The following SNX29 variants were observed in gnomAD, a reference collection of about 807,000 sequenced individuals.
SNX29 encodes the protein sorting nexin 29, also known as sorting nexin-29.
Under a neutral mutation model 102.1 loss-of-function variants are expected in SNX29, and 78 were observed. The observed-to-expected ratio is 0.76, with a 90% confidence interval of 0.64 to 0.92. The LOEUF is 0.92. Ranked by LOEUF, SNX29 falls within the 40% of genes least tolerant of loss-of-function variation. The pLI, the probability that SNX29 is intolerant of heterozygous loss-of-function variation, is 0.00. For missense variants in SNX29, 1,280 were observed against 1,061.7 expected (o/e 1.21, Z -2.86); for synonymous variants, 580 against 414.5 (o/e 1.40, Z -4.85).
chr16:12,387,954 C>T (rs1019483634), intron 16 of SNX29, among the ~76,000 whole-genome samples: 7 of 152,170 alleles, frequency 4.6e-5, no homozygotes, highest in Admixed American at 3.3e-4. Context: ...TGCAAATTAG[C>T]AGCAAACAGA....
rs144520037 is a variant in SNX29 at position 12,555,335 on chromosome 16, C to G, written c.2319-13171C>G. On this transcript the variant is annotated intron_variant, in intron 20 of 20. Coordinates refer to ENST00000566228, the MANE Select transcript of SNX29 (RefSeq NM_032167.5). Reference sequence around the variant, plus strand: ...TCATAGCCCCAGTGTTTCTTGGCACCTGAGAAACATGTTGGTTAACTTTTC... The same window carrying G: ...TCATAGCCCCAGTGTTTCTTGGCACGTGAGAAACATGTTGGTTAACTTTTC... Among the ~76,000 whole-genome samples, 1,053 of 151,958 alleles carry G rather than the reference C, an allele frequency of 6.9e-3. 28 individuals carry two copies. Among genetic ancestry groups the G allele is most frequent in the Admixed American group, 0.047 (712 of 15,264 alleles).
chr16:12,398,374 C>T, intron 16 of SNX29, 72 bp from the exon 17 acceptor site: 1 of 1,518,256 alleles, frequency 6.6e-7, no homozygotes, highest in South Asian at 1.1e-5. Flanking sequence ...AGGCAGAATT[C>T]TTCTGTGATT....
intron 20 of SNX29, among the ~76,000 whole-genome samples, chr16:12,546,032 C>G (rs752057884): frequency 1.3e-5 from 2 of 152,140 alleles, no homozygotes; most frequent in Admixed American, 6.5e-5. Flanking sequence ...AAACCCACAC[C>G]CTTGAGTACA....
intron 20 of SNX29, among the ~76,000 whole-genome samples, chr16:12,568,304 T>TCCACGCCCCCCCCACCCCCCCCCCC (rs1555465909): frequency 6.8e-6 from 1 of 146,340 alleles, no homozygotes; most frequent in Non-Finnish European, 1.5e-5. Flanking sequence ...GGAGTGCTGT[T>TCCACGCCCCCCCCACCCCCCCCCCC]AAAAAAAAAA....
chr16:12,392,304 A>G (rs1455051120), intron 16 of SNX29, among the ~76,000 whole-genome samples: 2 of 152,228 alleles, frequency 1.3e-5, no homozygotes, highest in South Asian at 2.1e-4. Context: ...GTATTGCAAC[A>G]AATGTCTTTG....
chr16:12,002,454 A>T (rs1226122221), intron 2 of SNX29, among the ~76,000 whole-genome samples: 1 of 152,066 alleles, frequency 6.6e-6, no homozygotes, highest in African/African-American at 2.4e-5. Context: ...CTCAAAAAAA[A>T]AAAAAAAAAG....
chr16:12,227,461 G>C (rs2077645367), intron 14 of SNX29, among the ~76,000 whole-genome samples: 1 of 152,150 alleles, frequency 6.6e-6, no homozygotes, highest in Non-Finnish European at 1.5e-5. Context: ...GCAGTTGAAG[G>C]CTGAAAGGCA....
chr16:12,270,828 G>A (rs888932491), intron 14 of SNX29, among the ~76,000 whole-genome samples: 16 of 151,838 alleles, frequency 1.1e-4, no homozygotes, highest in Non-Finnish European at 1.0e-4. Context: ...GATCGCCTGC[G>A]GTCAGGCATT....
intron 14 of SNX29, among the ~76,000 whole-genome samples, chr16:12,257,012 G>A (rs541922432): frequency 4.6e-5 from 7 of 152,280 alleles, no homozygotes; most frequent in East Asian, 1.9e-4. Flanking sequence ...CAGAAGCCGT[G>A]GATTTCAATG....
intron 15 of SNX29, among the ~76,000 whole-genome samples, chr16:12,352,283 G>GC (rs1039011778): frequency 6.6e-5 from 10 of 151,694 alleles, no homozygotes; most frequent in Non-Finnish European, 1.5e-4. Context: ...ACCAAACACC[G>GC]CATGTTCTCA....
At position 12,060,278 on chromosome 16, in the gene SNX29, A is replaced by G. The variant is rs571240513; in HGVS notation, c.1125-1250A>G. ...CATATGTGGGAGGATGTGCTTATGC[A>G]AATACTACACCGTTTTACATCAGGG... is the stretch of plus-strand genomic sequence containing the variant. On this transcript the variant is annotated intron_variant, in intron 8 of 20. Coordinates refer to ENST00000566228, the MANE Select transcript of SNX29 (RefSeq NM_032167.5). Among the ~76,000 whole-genome samples the G allele has an allele frequency of 6.6e-4, 101 of 152,306 alleles. 1 individual carries two copies. The South Asian group carries it at 6.6e-3, about 10-fold the overall frequency.
chr16:11,989,847 G>A (rs558907610), intron 1 of SNX29, among the ~76,000 whole-genome samples: 1 of 152,366 alleles, frequency 6.6e-6, no homozygotes, highest in Non-Finnish European at 1.5e-5. Flanking sequence ...ACCCTCTGCA[G>A]GAAGGCTTCT....
intron 15 of SNX29, among the ~76,000 whole-genome samples, chr16:12,293,864 A>T (rs969962700): frequency 2.6e-5 from 4 of 152,232 alleles, no homozygotes; most frequent in African/African-American, 9.6e-5. Context: ...TTCAGTGCTT[A>T]TACGGTGCCA....
At chr16:12,559,009 G>C (rs538251432) in intron 20 of SNX29, among the ~76,000 whole-genome samples, 19 of 152,290 alleles carry the variant, frequency 1.2e-4, no homozygotes, top group South Asian at 6.2e-4. Flanking sequence ...TTATGGGGGA[G>C]AGAGACAAAA....
At chr16:12,244,925 A>G (rs1045184736) in intron 14 of SNX29, among the ~76,000 whole-genome samples, 7 of 152,188 alleles carry the variant, frequency 4.6e-5, no homozygotes, top group African/African-American at 7.2e-5. Flanking sequence ...TTCTCCTTTC[A>G]GATTTGTTTT....
intron 15 of SNX29, among the ~76,000 whole-genome samples, chr16:12,313,021 G>GTT (rs35304053): frequency 0.01 from 1,520 of 145,856 alleles, 9 homozygotes; most frequent in Non-Finnish European, 0.016. Flanking sequence ...TTTGTTTTCT[G>GTT]TTTTTTTTTT....
At position 12,573,896 on chromosome 16, in the gene SNX29, A is replaced by T. The variant is rs2079237893; in HGVS notation, c.*5267A>T. 4.9e-6 allele frequency: 1 copy of T among 205,370 alleles called. No homozygotes were observed. The highest frequency in any genetic ancestry group is 1.0e-5 in the Non-Finnish European group (1 of 100,308). The allele number at this position is 205,370 out of a possible 1,614,324, so 12.7% of individuals were successfully genotyped here. ...ATCCCTGGCTTAGCCGTCAGGTAGA[A>T]CGCTTACTCACCTGACACCGACTTC... On this transcript the variant is annotated 3_prime_UTR_variant, in exon 21 of 21. Transcript: ENST00000566228.
chr16:12,102,539 A>G (rs1381778161), intron 11 of SNX29, among the ~76,000 whole-genome samples: 1 of 151,826 alleles, frequency 6.6e-6, no homozygotes, highest in Non-Finnish European at 1.5e-5. Context: ...TTTTTTTCAT[A>G]TGTTTGTTGG....
rs181989070 is a variant in SNX29, at chr16:12,290,062, C to T, written c.1782+12026C>T. On this transcript the variant is annotated intron_variant, in intron 15 of 20. Transcript: ENST00000566228. ...AGGGAGGGACTTGTTGCATTTAATG[C>T]ATGTAGACGGGCAATGACAAACTAC... is the stretch of plus-strand genomic sequence containing the variant. Among the ~76,000 whole-genome samples the T allele has an allele frequency of 1.2e-3, 183 of 152,250 alleles. 1 individual carries two copies. Among genetic ancestry groups the T allele is most frequent in the African/African-American group, 4.2e-3 (175 of 41,540 alleles).
Sources: gnomAD v4.1 joint callset for allele counts (sites outside exome capture counted in the v4.1 genomes callset) on GRCh38, gnomAD v4.1.1 for gene constraint, MANE v1.5 for transcripts, NCBI Gene and HGNC (gene_info 2026-07-23, HGNC 2026-07-21) for gene names.